CNTNAP2: variants seen among roughly 807,000 people sequenced by gnomAD.
CNTNAP2 encodes the protein contactin-associated protein-like 2.
CNTNAP2 carries 98 observed loss-of-function variants against 155.2 expected under a neutral mutation model. The observed-to-expected ratio is 0.63, with a 90% CI of 0.54 to 0.75. The LOEUF (loss-of-function observed/expected upper bound fraction) is 0.75. Among genes scored for constraint, CNTNAP2 ranks in the 30% least tolerant of loss-of-function variants. CNTNAP2 has a pLI of 0.00. For synonymous variants in CNTNAP2, 651 were observed against 631.2 expected, an observed-to-expected ratio of 1.03 and a Z score of -0.47; for missense variants, 1,727 against 1,688.1, an observed-to-expected ratio of 1.02 and a Z score of -0.40.
chr7:147,850,210 G>A (rs1167452702), intron 13 of CNTNAP2, among the ~76,000 whole-genome samples: 5 of 150,716 alleles, frequency 3.3e-5, no homozygotes, highest in Non-Finnish European at 4.4e-5. Context: ...AACTTATAAG[G>A]GATGTGAAGG....
At chr7:147,366,812 C>CACACACACAT (rs1554475324) in intron 9 of CNTNAP2, among the ~76,000 whole-genome samples, 5 of 88,804 alleles carry the variant, frequency 5.6e-5, no homozygotes, top group African/African-American at 1.5e-4. Context: ...CACACACACA[C>CACACACACAT]CCCAATGTTT....
intron 11 of CNTNAP2, among the ~76,000 whole-genome samples, chr7:147,493,181 A>G (rs1798639251): frequency 6.6e-6 from 1 of 152,232 alleles, no homozygotes; most frequent in African/African-American, 2.4e-5. Flanking sequence ...TGAAAAGACC[A>G]TAGGATATCT....
chr7:146,231,039 T>TAAATAAATAAATAAAA (rs1195125681), intron 1 of CNTNAP2, among the ~76,000 whole-genome samples: 3 of 140,124 alleles, frequency 2.1e-5, no homozygotes, highest in African/African-American at 7.9e-5. Context: ...AATAAATAAA[T>TAAATAAATAAATAAAA]AAAAAGTTAA....
rs531652060 is a variant in CNTNAP2 at position 147,570,577 on chromosome 7, C to G, written c.1897+8320C>G. ...AAAGATTGTATATTTTATACAGGTA[C>G]CTGCATACATAATTGAGGGCAAACT... On this transcript the variant is annotated intron_variant, in intron 12 of 23. Coordinates refer to ENST00000361727, the MANE Select transcript of CNTNAP2 (RefSeq NM_014141.6). 2.6e-4 allele frequency among the ~76,000 whole-genome samples: 40 copies of G among 152,236 alleles called. No individual in the cohort carries two copies. The South Asian group carries it at 7.9e-3, about 30-fold the overall frequency.
At chr7:147,139,986 G>T (rs1488163726) in intron 8 of CNTNAP2, among the ~76,000 whole-genome samples, 7 of 152,000 alleles carry the variant, frequency 4.6e-5, no homozygotes, top group Admixed American at 3.9e-4. Flanking sequence ...TATTTCCCTT[G>T]AGGCTTTTCT....
chr7:147,797,106 A>G lies in CNTNAP2; in HGVS notation c.2099-106459A>G, dbSNP rs527374995. On this transcript the variant is annotated intron_variant, in intron 13 of 23. Transcript: ENST00000361727. ...TCTTACTTAGTCCCACCCTGATACC[A>G]TGCTGTCAAATTACTTGCTATTAAC... Among the ~76,000 whole-genome samples, 4 of 152,320 alleles carry G rather than the reference A, an allele frequency of 2.6e-5. No homozygotes were observed. In the South Asian group the frequency reaches 8.3e-4, roughly 32 times the overall value.
chr7:147,966,801 T>G (rs1284625242), intron 14 of CNTNAP2, among the ~76,000 whole-genome samples: 1 of 152,052 alleles, frequency 6.6e-6, no homozygotes, highest in Non-Finnish European at 1.5e-5. Context: ...AAGCCAGCCA[T>G]GAGCAACCTT....
At chr7:146,522,214 A>G (rs546861858) in intron 1 of CNTNAP2, among the ~76,000 whole-genome samples, 3 of 152,186 alleles carry the variant, frequency 2.0e-5, no homozygotes, top group South Asian at 4.1e-4. Flanking sequence ...TTTCTGGGAG[A>G]TGACACAGAA....
chr7:146,246,833 G>A (rs1371930803), intron 1 of CNTNAP2, among the ~76,000 whole-genome samples: 1 of 152,206 alleles, frequency 6.6e-6, no homozygotes, highest in African/African-American at 2.4e-5. Context: ...CCAGATTTCT[G>A]GCACTTGTAG....
intron 1 of CNTNAP2, among the ~76,000 whole-genome samples, chr7:146,336,703 T>G (rs1801282276): frequency 6.6e-6 from 1 of 152,190 alleles, no homozygotes; most frequent in Non-Finnish European, 1.5e-5. Flanking sequence ...AATAAGTGAA[T>G]AGTTAAACAG....
chr7:146,881,755 ATTTTTT>A (rs11416504), intron 3 of CNTNAP2, among the ~76,000 whole-genome samples: 5 of 123,718 alleles, frequency 4.0e-5, no homozygotes, highest in African/African-American at 1.6e-4. Flanking sequence ...GATCCCTATA[ATTTTTT>A]TTTTTTTTTT....
intron 11 of CNTNAP2, among the ~76,000 whole-genome samples, chr7:147,514,373 A>T (rs948460086): frequency 6.6e-6 from 1 of 151,908 alleles, no homozygotes; most frequent in Non-Finnish European, 1.5e-5. Context: ...CATGTATTTT[A>T]TATATTTAAA....
At chr7:146,257,055 T>TACATTACCTACAA (rs1799850379) in intron 1 of CNTNAP2, among the ~76,000 whole-genome samples, 1 of 152,222 alleles carries the variant, frequency 6.6e-6, no homozygotes, top group Non-Finnish European at 1.5e-5. Flanking sequence ...TCATTCAAGT[T>TACATTACCTACAA]ACCACATCCA....
In CNTNAP2 at chr7:147,899,902, A is replaced by AG. The variant is rs1333862897; in HGVS notation, c.2099-3663_2099-3662insG. 1.9e-3 allele frequency among the ~76,000 whole-genome samples: 284 copies of AG among 150,094 alleles called. 2 individuals are homozygous for AG. The South Asian group carries it at 0.028, about 15-fold the overall frequency. On this transcript the variant is annotated intron_variant, in intron 13 of 23. Transcript: ENST00000361727. ...AGCCAGACTCCATCTCAAAAAAAAA[A>AG]AAAGAAAGAAAGAAAGAAAGAGTCA...
intron 1 of CNTNAP2, among the ~76,000 whole-genome samples, chr7:146,482,636 G>A (rs996492756): frequency 5.9e-5 from 9 of 151,996 alleles, no homozygotes; most frequent in Admixed American, 1.3e-4. Context: ...CCAGCTACTC[G>A]GGAGGTTGAG....
intron 15 of CNTNAP2, among the ~76,000 whole-genome samples, chr7:148,020,576 C>CT (rs377382002): frequency 3.3e-5 from 5 of 151,910 alleles, no homozygotes; most frequent in East Asian, 1.9e-4. Flanking sequence ...CCATTTTATT[C>CT]TTTTTTTTAA....
chr7:148,195,686 T>C (rs538839352), intron 18 of CNTNAP2, among the ~76,000 whole-genome samples: 2 of 152,340 alleles, frequency 1.3e-5, no homozygotes, highest in Admixed American at 1.3e-4. Flanking sequence ...TACACAATGA[T>C]AGGATAACTC....
chr7:147,500,833 T>C (rs1798796589), intron 11 of CNTNAP2, among the ~76,000 whole-genome samples: 5 of 152,192 alleles, frequency 3.3e-5, no homozygotes, highest in Admixed American at 3.3e-4. Flanking sequence ...TGATATTCTT[T>C]ATGCCAAGTT....
chr7:146,440,153 G>T (rs1385997399), intron 1 of CNTNAP2, among the ~76,000 whole-genome samples: 1 of 151,440 alleles, frequency 6.6e-6, no homozygotes, highest in African/African-American at 2.4e-5. Flanking sequence ...CAAAAAATCT[G>T]TCCTATATTA....
Sources: gnomAD v4.1 joint callset for allele counts (sites outside exome capture counted in the v4.1 genomes callset) on GRCh38, gnomAD v4.1.1 for gene constraint, MANE v1.5 for transcripts, NCBI Gene and HGNC (gene_info 2026-07-23, HGNC 2026-07-21) for gene names.